The following DCLK1 variants were observed in gnomAD, a reference collection of about 807,000 sequenced individuals.
DCLK1 encodes doublecortin like kinase 1, also known as serine/threonine-protein kinase DCLK1.
In DCLK1, 16 loss-of-function variants were observed where a neutral mutation model predicts 86.2. The observed-to-expected ratio is 0.19, with a 90% CI of 0.13 to 0.28. The LOEUF (loss-of-function observed/expected upper bound fraction) is 0.28, where lower values mean the gene tolerates loss of function less well. Among genes scored for constraint, DCLK1 ranks in the 10% least tolerant of loss-of-function variants. The pLI, the probability that DCLK1 is intolerant of heterozygous loss-of-function variation, is 1.00. For synonymous variants in DCLK1, 369 were observed against 370.5 expected, an observed-to-expected ratio of 1.00 and a Z score of 0.05; for missense variants, 590 against 940.2, an observed-to-expected ratio of 0.63 and a Z score of 4.87.
At chr13:35,916,669 T>C (rs1294033369) in intron 4 of DCLK1, among the ~76,000 whole-genome samples, 2 of 152,222 alleles carry the variant, frequency 1.3e-5, no homozygotes, top group East Asian at 3.9e-4. Context: ...CCTTAGCAGG[T>C]CAAAACATGA....
chr13:36,003,576 A>C (rs971502438), intron 3 of DCLK1, among the ~76,000 whole-genome samples: 3 of 152,258 alleles, frequency 2.0e-5, no homozygotes, highest in Non-Finnish European at 4.4e-5. Flanking sequence ...CTGAAAATAA[A>C]CTGGAAACAA....
chr13:35,910,008 C>T (rs545838113), intron 4 of DCLK1, among the ~76,000 whole-genome samples: 4 of 152,136 alleles, frequency 2.6e-5, no homozygotes, highest in African/African-American at 2.4e-5. Flanking sequence ...CGCATCCATC[C>T]GCTTTGCTTC....
chr13:35,783,671 G>A (rs1165097552), intron 16 of DCLK1, among the ~76,000 whole-genome samples: 6 of 150,430 alleles, frequency 4.0e-5, no homozygotes, highest in East Asian at 2.0e-4. Context: ...TTGCATTTCC[G>A]CCTCCCGGGC....
intron 3 of DCLK1, among the ~76,000 whole-genome samples, chr13:35,970,477 G>A (rs146616998): frequency 2.0e-5 from 3 of 152,320 alleles, no homozygotes; most frequent in Non-Finnish European, 4.4e-5. Flanking sequence ...AATATTGGGA[G>A]GTGGGGCCTC....
At chr13:35,941,451 A>G (rs1287003122) in intron 4 of DCLK1, among the ~76,000 whole-genome samples, 2 of 152,242 alleles carry the variant, frequency 1.3e-5, no homozygotes, top group African/African-American at 4.8e-5. Context: ...GGAAATGTCC[A>G]TTCTAGAATC....
intron 3 of DCLK1, among the ~76,000 whole-genome samples, chr13:36,093,667 CT>C (rs1321667679): frequency 1.3e-5 from 2 of 151,262 alleles, no homozygotes; most frequent in South Asian, 2.1e-4. Context: ...GTTTCCAGTC[CT>C]TTTTTTTTCT....
Position 36,000,407 on chromosome 13 carries a change from C to T in DCLK1, c.724-52950G>A, listed in dbSNP as rs571567573. Among the ~76,000 whole-genome samples, 4 of 152,232 alleles carry T rather than the reference C, an allele frequency of 2.6e-5. No homozygotes were observed. The South Asian group carries it at 6.2e-4, about 24-fold the overall frequency. On this transcript the variant is annotated intron_variant, in intron 3 of 16. Transcript: ENST00000360631. ...GATGAAGAAAGTCTAGGGGTCTGGC[C>T]ACATCAGCAGCTACCAGGCATTGCA... is the stretch of plus-strand genomic sequence containing the variant.
At chr13:36,082,599 C>T (rs756443230) in intron 3 of DCLK1, among the ~76,000 whole-genome samples, 7 of 152,136 alleles carry the variant, frequency 4.6e-5, no homozygotes, top group East Asian at 1.9e-4. Context: ...CCCAGACTGA[C>T]GGCATCATGA....
At chr13:36,044,270 A>T (rs888778225) in intron 3 of DCLK1, among the ~76,000 whole-genome samples, 14 of 152,222 alleles carry the variant, frequency 9.2e-5, no homozygotes, top group African/African-American at 3.1e-4. Context: ...TCATGAGCCA[A>T]ATAAACCTCT....
At chr13:35,856,573 T>C (rs1316329845) in intron 5 of DCLK1, among the ~76,000 whole-genome samples, 1 of 152,138 alleles carries the variant, frequency 6.6e-6, no homozygotes, top group Non-Finnish European at 1.5e-5. Context: ...ATCCAGCTAA[T>C]GGAAAATGAA....
chr13:35,866,168 A>T (rs1234212095), intron 5 of DCLK1, among the ~76,000 whole-genome samples: 2 of 152,182 alleles, frequency 1.3e-5, no homozygotes, highest in Non-Finnish European at 2.9e-5. Context: ...ACAAACAGAG[A>T]TAATAATAAC....
chr13:35,832,898 C>G (rs1038334184), intron 8 of DCLK1, among the ~76,000 whole-genome samples: 1 of 152,184 alleles, frequency 6.6e-6, no homozygotes, highest in Non-Finnish European at 1.5e-5. Flanking sequence ...GAGCAGTGAT[C>G]TAAGCTTTCA....
At chr13:36,096,136 A>C (rs1464831687) in intron 3 of DCLK1, among the ~76,000 whole-genome samples, 1 of 152,198 alleles carries the variant, frequency 6.6e-6, no homozygotes, top group Non-Finnish European at 1.5e-5. Flanking sequence ...TTGGAGAGAC[A>C]GATTACCAAG....
chr13:35,931,278 T>C (rs1178268145), intron 4 of DCLK1, among the ~76,000 whole-genome samples: 1 of 152,168 alleles, frequency 6.6e-6, no homozygotes, highest in African/African-American at 2.4e-5. Flanking sequence ...CAAGCAGAAT[T>C]TGGATGCTTA....
chr13:35,819,751 A>G lies in DCLK1; in HGVS notation c.1554+2978T>C, dbSNP rs145917712. On this transcript the variant is annotated intron_variant, in intron 11 of 16. Coordinates refer to ENST00000360631, the MANE Select transcript of DCLK1 (RefSeq NM_001330071.2). ...GCCATGAGGTGGCAAATCCATGCAC[A>G]GGTGAATAGTAAAATTTCTAAAGCA... Among the ~76,000 whole-genome samples the G allele has an allele frequency of 7.2e-4, 110 of 152,252 alleles. 1 individual carries two copies. Among genetic ancestry groups the G allele is most frequent in the African/African-American group, 2.6e-3 (107 of 41,560 alleles).
intron 3 of DCLK1, among the ~76,000 whole-genome samples, chr13:36,084,374 C>T (rs1042099896): frequency 6.6e-5 from 10 of 152,134 alleles, no homozygotes; most frequent in African/African-American, 1.9e-4. Flanking sequence ...GTACAATCAC[C>T]GGGCACACAA....
At chr13:36,109,319 A>G (rs917047641) in intron 3 of DCLK1, among the ~76,000 whole-genome samples, 3 of 152,224 alleles carry the variant, frequency 2.0e-5, no homozygotes, top group Non-Finnish European at 1.5e-5. Flanking sequence ...TTCAGATGAT[A>G]TTCTTTGGAC....
chr13:36,130,634 C>A (rs1886330344), intron 1 of DCLK1, among the ~76,000 whole-genome samples: 1 of 152,126 alleles, frequency 6.6e-6, no homozygotes, highest in Admixed American at 6.5e-5. Context: ...CTGCAGCCAC[C>A]ACCACGCACG....
At chr13:35,961,752 G>C (rs1344335503) in intron 3 of DCLK1, among the ~76,000 whole-genome samples, 5 of 152,066 alleles carry the variant, frequency 3.3e-5, no homozygotes, top group African/African-American at 4.8e-5. Flanking sequence ...CAATTTAAAG[G>C]TTTAAAACCA....
Sources: gnomAD v4.1 joint callset for allele counts (sites outside exome capture counted in the v4.1 genomes callset) on GRCh38, gnomAD v4.1.1 for gene constraint, MANE v1.5 for transcripts, NCBI Gene and HGNC (gene_info 2026-07-23, HGNC 2026-07-21) for gene names.